CXCL13: variants seen among roughly 807,000 people sequenced by gnomAD.
CXCL13 encodes C-X-C motif chemokine 13.
A neutral mutation model predicts 12.2 loss-of-function variants in CXCL13; 7 were observed. That is an observed-to-expected ratio of 0.57 (90% CI 0.33 to 1.07). The LOEUF (loss-of-function observed/expected upper bound fraction) is 1.07. Ranked by LOEUF, CXCL13 falls within the 50% of genes least tolerant of loss-of-function variation. The probability of loss-of-function intolerance (pLI) is 0.04; values close to 1 mark genes in which losing one functional copy is unlikely to be tolerated. For missense variants in CXCL13, 113 were observed against 127.4 expected, an observed-to-expected ratio of 0.89 and a Z score of 0.55; for synonymous variants, 47 against 42.4, an observed-to-expected ratio of 1.11 and a Z score of -0.42.
intron 1 of CXCL13, among the ~76,000 whole-genome samples, chr4:77,528,556 T>TTG (rs1724829183): frequency 6.6e-6 from 1 of 152,232 alleles, no homozygotes; most frequent in South Asian, 2.1e-4. Context: ...TCATGTGGCT[T>TTG]TTGGCTGCAT....
At chr4:77,607,386 T>A in intron 1 of CXCL13, among the ~76,000 whole-genome samples, 1 of 152,166 alleles carries the variant, frequency 6.6e-6, no homozygotes, top group East Asian at 1.9e-4. Context: ...GGGGTCTCCG[T>A]TTGTTGCCCA....
At chr4:77,521,393 A>G (rs1355985102) in intron 1 of CXCL13, among the ~76,000 whole-genome samples, 4 of 152,060 alleles carry the variant, frequency 2.6e-5, no homozygotes, top group Non-Finnish European at 5.9e-5. Context: ...TCAATTTCAG[A>G]GACTGTTATT....
At chr4:77,540,758 A>G (rs962013383) in intron 1 of CXCL13, among the ~76,000 whole-genome samples, 3 of 152,144 alleles carry the variant, frequency 2.0e-5, no homozygotes, top group Admixed American at 1.3e-4. Flanking sequence ...TGGTATAAAA[A>G]TTTATTTTCT....
intron 1 of CXCL13, among the ~76,000 whole-genome samples, chr4:77,581,153 A>G (rs1423203163): frequency 1.3e-5 from 2 of 152,030 alleles, no homozygotes; most frequent in Non-Finnish European, 2.9e-5. Flanking sequence ...AGGTGATGAA[A>G]ATTTTTTAAA....
chr4:77,611,317 T>G lies in CXCL13; in HGVS notation c.*278T>G. On this transcript the variant is annotated 3_prime_UTR_variant, in exon 4 of 4. Coordinates refer to ENST00000682537, the MANE Select transcript of CXCL13 (RefSeq NM_001371558.1). The stretch of plus-strand genomic sequence containing the variant: ...TATAAGTAATACAGGATTATTTTGA[T>G]TATATACTTGTTGTTTAATGTTTAA... 1 of 368,248 alleles carries G rather than the reference T, an allele frequency of 2.7e-6. No individual in the cohort carries two copies. Among genetic ancestry groups the G allele is most frequent in the Non-Finnish European group, 4.8e-6 (1 of 208,198 alleles). The allele number at this position is 368,248 out of a possible 1,614,324, so 22.8% of individuals were successfully genotyped here.
intron 1 of CXCL13, among the ~76,000 whole-genome samples, chr4:77,545,825 C>A (rs1725348465): frequency 6.6e-6 from 1 of 152,174 alleles, no homozygotes; most frequent in Non-Finnish European, 1.5e-5. Context: ...TGTCTTGTGA[C>A]AGTTTTCAAA....
chr4:77,538,560 G>A (rs1039091456), intron 1 of CXCL13, among the ~76,000 whole-genome samples: 1 of 151,804 alleles, frequency 6.6e-6, no homozygotes, highest in Non-Finnish European at 1.5e-5. Flanking sequence ...TGGCTAATTT[G>A]AAGAGAAAAA....
chr4:77,593,062 T>C (rs949130498), intron 1 of CXCL13, among the ~76,000 whole-genome samples: 1 of 152,220 alleles, frequency 6.6e-6, no homozygotes, highest in Admixed American at 6.5e-5. Context: ...CAGAGCCCTC[T>C]TGAAGGTCTG....
chr4:77,552,023 T>G (rs1014711468), intron 1 of CXCL13, among the ~76,000 whole-genome samples: 1 of 152,214 alleles, frequency 6.6e-6, no homozygotes, highest in Non-Finnish European at 1.5e-5. Flanking sequence ...TTTTCAACCT[T>G]ATCTTGTATC....
chr4:77,575,224 T>C (rs940110704), intron 1 of CXCL13, among the ~76,000 whole-genome samples: 7 of 151,990 alleles, frequency 4.6e-5, no homozygotes, highest in Non-Finnish European at 7.3e-5. Flanking sequence ...GAGTCATCAT[T>C]TTGGCAAAGT....
chr4:77,585,040 G>T (rs1442524483), intron 1 of CXCL13, among the ~76,000 whole-genome samples: 5 of 152,042 alleles, frequency 3.3e-5, no homozygotes, highest in African/African-American at 9.7e-5. Flanking sequence ...ACATCATGTT[G>T]CCATGAGCTC....
In CXCL13 at chr4:77,605,917, T is replaced by A; in HGVS notation, c.52T>A (p.Ser18Thr). 6.2e-7 allele frequency: 1 copy of A among 1,602,242 alleles called. No homozygotes were observed. Among genetic ancestry groups the A allele is most frequent in the Non-Finnish European group, 8.5e-7 (1 of 1,171,612 alleles). ...TCTCATGCTGCTGGTCAGCAGCCTC[T>A]CTCCAGTCCAAGGTGAGAAATTTCA... ...LLLMLLVSSL[S>T]PVQGVLEVYY... Residue 18 changes from serine (S) to threonine (T), a missense_variant, in exon 1 of 4, where the codon TCT (serine) becomes ACT (threonine). Transcript: ENST00000682537.
chr4:77,590,320 G>A (rs1047528747), intron 1 of CXCL13, among the ~76,000 whole-genome samples: 10 of 152,162 alleles, frequency 6.6e-5, no homozygotes, highest in Admixed American at 2.0e-4. Flanking sequence ...TCCCAGCAGC[G>A]TAATAAGTGA....
intron 1 of CXCL13, among the ~76,000 whole-genome samples, chr4:77,533,387 C>T (rs539834520): frequency 1.3e-5 from 2 of 152,320 alleles, no homozygotes; most frequent in Admixed American, 1.3e-4. Flanking sequence ...CTGATCGTTC[C>T]TCTGGAAGTT....
intron 1 of CXCL13, among the ~76,000 whole-genome samples, chr4:77,555,918 C>A (rs1329875584): frequency 6.6e-6 from 1 of 152,116 alleles, no homozygotes; most frequent in Non-Finnish European, 1.5e-5. Flanking sequence ...TTTTTACATA[C>A]CCATAGAATG....
At chr4:77,585,291 G>A (rs564627173) in intron 1 of CXCL13, among the ~76,000 whole-genome samples, 2 of 152,244 alleles carry the variant, frequency 1.3e-5, no homozygotes, top group South Asian at 4.1e-4. Flanking sequence ...AGGAGCAGGG[G>A]GACTTGGTTA....
chr4:77,515,239 G>A (rs564003175), intron 1 of CXCL13, among the ~76,000 whole-genome samples: 9 of 152,142 alleles, frequency 5.9e-5, no homozygotes, highest in Admixed American at 5.2e-4. Flanking sequence ...GTCAGGTAGC[G>A]TGATGCCTCC....
intron 1 of CXCL13, among the ~76,000 whole-genome samples, chr4:77,532,788 C>G (rs56283590): frequency 0.022 from 3,382 of 152,254 alleles, 134 homozygotes; most frequent in African/African-American, 0.076. Flanking sequence ...GGCTTCATTT[C>G]ACTCATTTCA....
chr4:77,514,569 T>C (rs1354801952), intron 1 of CXCL13, among the ~76,000 whole-genome samples: 4 of 147,586 alleles, frequency 2.7e-5, no homozygotes, highest in Admixed American at 6.8e-5. Flanking sequence ...ATGGTGAGCA[T>C]TTTTTCATGT....
Sources: allele counts gnomAD v4.1 joint callset (sites outside exome capture counted in the v4.1 genomes callset), GRCh38; gene constraint gnomAD v4.1.1; transcripts MANE v1.5; gene names NCBI Gene and HGNC (gene_info 2026-07-23, HGNC 2026-07-21).